Variants in GAB2 observed in about 807,000 individuals in gnomAD.
GAB2 encodes GRB2 associated binding protein 2, also known as GRB2-associated-binding protein 2.
Under a neutral mutation model 65.5 loss-of-function variants are expected in GAB2, and 26 were observed. The ratio of observed to expected loss-of-function variants is 0.40; its 90% confidence interval spans 0.29 to 0.55. The LOEUF is 0.55. Among genes scored for constraint, GAB2 ranks in the 20% least tolerant of loss-of-function variants. The pLI, the probability that GAB2 is intolerant of heterozygous loss-of-function variation, is 0.53. For missense variants in GAB2, 884 were observed against 875.8 expected, an observed-to-expected ratio of 1.01 and a Z score of -0.12; for synonymous variants, 321 against 329.6, an observed-to-expected ratio of 0.97 and a Z score of 0.28.
chr11:78,234,640 A>G (rs1186703044), intron 3 of GAB2, among the ~76,000 whole-genome samples: 1 of 149,290 alleles, frequency 6.7e-6, no homozygotes, highest in Non-Finnish European at 1.5e-5. Context: ...TTATATACAT[A>G]TATGTATTTA....
In GAB2 at chr11:78,280,735, T is replaced by C. The variant is rs778258950; in HGVS notation, c.242A>G (p.Gln81Arg). Residue 81 changes from glutamine to arginine, a missense_variant, in exon 2 of 10, where the codon CAG becomes CGG. Transcript: ENST00000361507. ...AGLTFNKKELQDSFVFDIKTS... is the reference protein window; with the variant it reads ...AGLTFNKKELRDSFVFDIKTS... ...CTTGATGTCAAACACAAAACTATCC[T>C]GCAGCTCCTTCTTGTTAAAGGTCAG... The C allele has an allele frequency of 5.6e-6, 9 of 1,614,202 alleles. No individual in the cohort carries two copies. The highest frequency in any genetic ancestry group is 7.6e-6 in the Non-Finnish European group (9 of 1,180,026).
At chr11:78,288,986 G>C (rs1408211859) in intron 1 of GAB2, among the ~76,000 whole-genome samples, 1 of 152,230 alleles carries the variant, frequency 6.6e-6, no homozygotes, top group African/African-American at 2.4e-5. Flanking sequence ...AAGTGGAATA[G>C]ATCAATTCTT....
chr11:78,229,763 C>T (rs904669727), intron 3 of GAB2, among the ~76,000 whole-genome samples: 2 of 152,232 alleles, frequency 1.3e-5, no homozygotes, highest in Non-Finnish European at 2.9e-5. Flanking sequence ...AGGATCCAAA[C>T]CAAACTTTGC....
intron 3 of GAB2, among the ~76,000 whole-genome samples, chr11:78,244,581 A>G (rs1055911700): frequency 1.3e-5 from 2 of 151,880 alleles, no homozygotes; most frequent in Non-Finnish European, 2.9e-5. Context: ...ACAGCAAAAA[A>G]AAACAAATAA....
At chr11:78,407,633 CAAAGAAAGAAAGAAAGAAAGAAAGTAAG>C (rs1857062686) in intron 1 of GAB2, among the ~76,000 whole-genome samples, 2 of 93,302 alleles carry the variant, frequency 2.1e-5, no homozygotes, top group Non-Finnish European at 4.4e-5. Context: ...AACTCCTTCT[CAAAGAAAGAAAGAAAGAAAGAAAGTAAG>C]AAAGAAAGAA....
chr11:78,271,553 A>G (rs1866008900), intron 2 of GAB2, among the ~76,000 whole-genome samples: 2 of 152,212 alleles, frequency 1.3e-5, no homozygotes, highest in Non-Finnish European at 2.9e-5. Context: ...TTTGGTTGGA[A>G]TATGTGAAGA....
rs1454697422 is a variant in GAB2, at chr11:78,215,774, C to A, written c.*3498G>T. ...GGGCTAGTCCCAGAAAGACGACCCC[C>A]CACGGAAGGGCTTTAGCGCTCCTGA... On this transcript the variant is annotated 3_prime_UTR_variant, in exon 10 of 10. Transcript: ENST00000361507. 1.3e-5 allele frequency: 2 copies of A among 152,530 alleles called. No homozygotes were observed. The highest frequency in any genetic ancestry group is 2.9e-5 in the Non-Finnish European group (2 of 68,056). 9.4% of individuals were successfully genotyped at this position (152,530 alleles called of 1,614,324 possible). A position where few individuals can be genotyped will look rare whatever the true frequency, so the allele number is the denominator to read the frequency against.
At chr11:78,413,665 T>C (rs1857157548) in intron 1 of GAB2, among the ~76,000 whole-genome samples, 1 of 151,706 alleles carries the variant, frequency 6.6e-6, no homozygotes, top group Non-Finnish European at 1.5e-5. Context: ...GGGAAAGAAG[T>C]TGAAGATGTG....
At chr11:78,222,264 T>TAA (rs1222267165) in intron 6 of GAB2, 69 bp from the exon 7 acceptor site, 2 of 966,512 alleles carry the variant, frequency 2.1e-6, no homozygotes, top group Non-Finnish European at 3.4e-6. Flanking sequence ...ACCTTATATA[T>TAA]AACACATGAG....
chr11:78,407,076 A>T (rs1479905991), intron 1 of GAB2, among the ~76,000 whole-genome samples: 1 of 152,186 alleles, frequency 6.6e-6, no homozygotes, highest in African/African-American at 2.4e-5. Flanking sequence ...AGACTGAAAA[A>T]AAATGACCAG....
rs1865589824 is a variant in GAB2, at chr11:78,256,144, C to CA, written c.377-5745dup. ...CCATATCAGCATTATTCATGAGAGC[C>CA]AAAAAATGGAAACAACCAAAATGTC... On this transcript the variant is annotated intron_variant, in intron 2 of 9. Coordinates refer to ENST00000361507, the MANE Select transcript of GAB2 (RefSeq NM_080491.3). Among the ~76,000 whole-genome samples, 3 of 152,124 alleles carry CA rather than the reference C, an allele frequency of 2.0e-5. No individual in the cohort carries two copies. In the South Asian group the frequency reaches 6.2e-4, roughly 32 times the overall value.
At chr11:78,344,633 T>C (rs939110557) in intron 1 of GAB2, among the ~76,000 whole-genome samples, 6 of 152,192 alleles carry the variant, frequency 3.9e-5, no homozygotes, top group Non-Finnish European at 7.3e-5. Context: ...TTAGAATCAA[T>C]CACAAACAAA....
chr11:78,326,095 C>T (rs1365851339), intron 1 of GAB2, among the ~76,000 whole-genome samples: 1 of 152,128 alleles, frequency 6.6e-6, no homozygotes, highest in Non-Finnish European at 1.5e-5. Context: ...ATGTCTTCCC[C>T]CTTTTAATAC....
intron 3 of GAB2, among the ~76,000 whole-genome samples, chr11:78,229,994 G>A (rs1392882955): frequency 2.0e-5 from 3 of 152,198 alleles, no homozygotes; most frequent in East Asian, 1.9e-4. Context: ...CAGGTAGCAA[G>A]TGTTACCTAT....
Position 78,276,671 on chromosome 11 carries a change from T to C in GAB2, c.376+3930A>G, listed in dbSNP as rs576431396. ...TGCCCCATAAGGTTTGCTGAATGAA[T>C]AATGTGTGAATGAACAAATGAACCT... On this transcript the variant is annotated intron_variant, in intron 2 of 9. Transcript: ENST00000361507. 7.2e-5 allele frequency among the ~76,000 whole-genome samples: 11 copies of C among 152,332 alleles called. No homozygotes were observed. The South Asian group carries it at 2.3e-3, about 32-fold the overall frequency.
chr11:78,383,581 C>CAAAAAAAAAAAAAAAAA (rs534814220), intron 1 of GAB2, among the ~76,000 whole-genome samples: 72 of 55,524 alleles, frequency 1.3e-3, no homozygotes, highest in African/African-American at 2.6e-3. Flanking sequence ...CCTGTCTCTC[C>CAAAAAAAAAAAAAAAAA]AAAAAAAAAA....
At chr11:78,282,614 T>G (rs1362324711) in intron 1 of GAB2, among the ~76,000 whole-genome samples, 1 of 152,142 alleles carries the variant, frequency 6.6e-6, no homozygotes, top group African/African-American at 2.4e-5. Flanking sequence ...CGCCCGGCAC[T>G]GTGTGATTTT....
At chr11:78,408,109 A>G (rs1857078625) in intron 1 of GAB2, among the ~76,000 whole-genome samples, 1 of 152,232 alleles carries the variant, frequency 6.6e-6, no homozygotes, top group South Asian at 2.1e-4. Context: ...CAAAGAAGAA[A>G]GCACATAGTA....
intron 1 of GAB2, among the ~76,000 whole-genome samples, chr11:78,356,775 T>C (rs1232439056): frequency 3.9e-5 from 6 of 152,162 alleles, no homozygotes; most frequent in African/African-American, 1.4e-4. Context: ...AAAGAGTGGA[T>C]TAAAAAATGT....
Sources: gnomAD v4.1 joint callset for allele counts (sites outside exome capture counted in the v4.1 genomes callset) on GRCh38, gnomAD v4.1.1 for gene constraint, MANE v1.5 for transcripts, NCBI Gene and HGNC (gene_info 2026-07-23, HGNC 2026-07-21) for gene names.